MOXD1: variants seen among roughly 807,000 people sequenced by gnomAD.
MOXD1 encodes the protein DBH-like monooxygenase protein 1.
A neutral mutation model predicts 66.6 loss-of-function variants in MOXD1; 62 were observed. The ratio of observed to expected loss-of-function variants is 0.93; its 90% CI spans 0.76 to 1.15. The LOEUF (loss-of-function observed/expected upper bound fraction) is 1.15. Ranked by LOEUF, MOXD1 falls within the 50% of genes most tolerant of loss-of-function variation. The pLI, the probability that MOXD1 is intolerant of heterozygous loss-of-function variation, is 0.00. For synonymous variants in MOXD1, 303 were observed against 281.9 expected, an observed-to-expected ratio of 1.07 and a Z score of -0.75; for missense variants, 847 against 754.6, an observed-to-expected ratio of 1.12 and a Z score of -1.44.
At chr6:132,396,556 G>C (rs1232790699) in intron 1 of MOXD1, among the ~76,000 whole-genome samples, 2 of 88,154 alleles carry the variant, frequency 2.3e-5, no homozygotes, top group African/African-American at 9.5e-5. Flanking sequence ...ACAAAACAGA[G>C]ACAAAAAAAA....
intron 4 of MOXD1, among the ~76,000 whole-genome samples, chr6:132,337,453 A>T (rs559917519): frequency 1.9e-4 from 29 of 152,240 alleles, no homozygotes; most frequent in Non-Finnish European, 3.5e-4. Context: ...AATGCCCTTG[A>T]AGAGTAATAT....
intron 1 of MOXD1, among the ~76,000 whole-genome samples, chr6:132,394,231 A>G (rs893362022): frequency 1.3e-5 from 2 of 152,210 alleles, no homozygotes; most frequent in African/African-American, 2.4e-5. Flanking sequence ...AAAATTACAC[A>G]GAGACTATAC....
chr6:132,302,566 A>G (rs1256933908), intron 10 of MOXD1, among the ~76,000 whole-genome samples: 1 of 152,170 alleles, frequency 6.6e-6, no homozygotes, highest in Non-Finnish European at 1.5e-5. Flanking sequence ...AGAACAGTAA[A>G]TAAGTGAAGA....
intron 7 of MOXD1, among the ~76,000 whole-genome samples, chr6:132,323,663 G>T (rs1171727134): frequency 6.6e-6 from 1 of 152,066 alleles, no homozygotes; most frequent in African/African-American, 2.4e-5. Context: ...TGTAAAAGAT[G>T]ATATACAGCA....
chr6:132,348,300 C>G lies in MOXD1; in HGVS notation c.664-19706G>C, dbSNP rs150275850. On this transcript the variant is annotated intron_variant, in intron 4 of 11. Transcript: ENST00000367963. The stretch of plus-strand genomic sequence containing the variant: ...TAATGTAACATCATTCATATAACAA[C>G]CACCCAGGATTCTGTAATTTTTACT... Among the ~76,000 whole-genome samples, 862 of 152,254 alleles carry G rather than the reference C, an allele frequency of 5.7e-3. 10 individuals are homozygous for G. Among genetic ancestry groups the G allele is most frequent in the African/African-American group, 0.019 (807 of 41,546 alleles).
chr6:132,394,631 G>GA (rs34406725), intron 1 of MOXD1, among the ~76,000 whole-genome samples: 98,005 of 151,908 alleles, frequency 0.65, 34,271 homozygotes, highest in African/African-American at 0.91. Context: ...TAAAAAAAGA[G>GA]ACCAAACAGA....
intron 10 of MOXD1, among the ~76,000 whole-genome samples, chr6:132,306,080 A>G (rs1253346210): frequency 6.6e-6 from 1 of 152,144 alleles, no homozygotes; most frequent in African/African-American, 2.4e-5. Context: ...CTAAAGAAGC[A>G]TGTTCTAACC....
intron 9 of MOXD1, among the ~76,000 whole-genome samples, chr6:132,319,148 T>C (rs987079975): frequency 1.3e-5 from 2 of 152,020 alleles, no homozygotes; most frequent in Admixed American, 1.3e-4. Flanking sequence ...TGCTCTTCTG[T>C]GTAAATTTTA....
intron 4 of MOXD1, among the ~76,000 whole-genome samples, chr6:132,329,886 T>C (rs1022238662): frequency 1.3e-5 from 2 of 152,204 alleles, no homozygotes; most frequent in Admixed American, 6.5e-5. Flanking sequence ...TATGTGCGCT[T>C]GTGACACTGC....
At chr6:132,302,623 C>T (rs1774567104) in intron 10 of MOXD1, among the ~76,000 whole-genome samples, 1 of 152,082 alleles carries the variant, frequency 6.6e-6, no homozygotes, top group African/African-American at 2.4e-5. Context: ...GTTAAGGTAT[C>T]AATTCTCTCA....
intron 9 of MOXD1, among the ~76,000 whole-genome samples, 200 bp from the exon 10 acceptor site, chr6:132,315,977 G>A (rs570500847): frequency 1.3e-5 from 2 of 152,164 alleles, no homozygotes; most frequent in Non-Finnish European, 2.9e-5. Flanking sequence ...TTAAAAATTT[G>A]CCTTTCTTAA....
chr6:132,297,812 G>T lies in MOXD1; in HGVS notation c.1652C>A (p.Ser551Tyr), dbSNP rs1774442815. ...VLSLPVNVRC[S>Y]KTDNAEWSIQ... ...CGACCACTCAGCATTGTCTGTCTTG[G>T]AACATCTCACATTCACTGGCAGGCT... The change falls in exon 11 of 12, where the codon TCC (serine) becomes TAC (tyrosine). Residue 551 changes from serine (S) to tyrosine (Y), a missense_variant. Ser to Tyr is a moderately radical substitution (Grantham distance 144). Transcript: ENST00000367963. The T allele has an allele frequency of 4.3e-6, 7 of 1,611,824 alleles. No individual in the cohort carries two copies. The highest frequency in any genetic ancestry group is 5.9e-6 in the Non-Finnish European group (7 of 1,179,086).
chr6:132,379,538 T>G (rs1165739552), intron 1 of MOXD1, among the ~76,000 whole-genome samples: 1 of 152,224 alleles, frequency 6.6e-6, no homozygotes, highest in Non-Finnish European at 1.5e-5. Context: ...TCCCTGACTC[T>G]ATTTTCACCT....
chr6:132,299,296 C>T (rs1280199475), intron 10 of MOXD1, among the ~76,000 whole-genome samples: 3 of 151,850 alleles, frequency 2.0e-5, no homozygotes, highest in Non-Finnish European at 4.4e-5. Flanking sequence ...GAGAGGGAGA[C>T]AAGAATGAAA....
At chr6:132,354,396 A>C (rs551827570) in intron 4 of MOXD1, among the ~76,000 whole-genome samples, 13 of 152,248 alleles carry the variant, frequency 8.5e-5, no homozygotes, top group African/African-American at 3.1e-4. Context: ...GCTTCCTGTG[A>C]GATAAGCTGC....
rs527334771 is a variant in MOXD1 at position 132,398,125 on chromosome 6, A to G, written c.264+3038T>C. 3.9e-5 allele frequency among the ~76,000 whole-genome samples: 6 copies of G among 152,192 alleles called. No homozygotes were observed. In the East Asian group the frequency reaches 1.2e-3, roughly 29 times the overall value. ...CTTGTGTACACATTATTTATCTCCC[A>G]CTTATAAGTGAGAACATGCAGTATT... On this transcript the variant is annotated intron_variant, in intron 1 of 11. Coordinates refer to ENST00000367963, the MANE Select transcript of MOXD1 (RefSeq NM_015529.4).
At chr6:132,339,867 CTTT>C (rs373137834) in intron 4 of MOXD1, among the ~76,000 whole-genome samples, 15 of 132,320 alleles carry the variant, frequency 1.1e-4, no homozygotes, top group Admixed American at 5.3e-4. Context: ...AGCTACAGCT[CTTT>C]TTTTTTTTTT....
At chr6:132,342,903 T>G (rs1289132429) in intron 4 of MOXD1, among the ~76,000 whole-genome samples, 1 of 152,202 alleles carries the variant, frequency 6.6e-6, no homozygotes, top group Non-Finnish European at 1.5e-5. Flanking sequence ...GCCAGTCCTA[T>G]GCAGGATAGA....
intron 1 of MOXD1, among the ~76,000 whole-genome samples, chr6:132,377,799 T>C (rs1028886010): frequency 3.3e-5 from 5 of 152,192 alleles, no homozygotes; most frequent in African/African-American, 1.2e-4. Flanking sequence ...AATTTAAATA[T>C]GAACTAACCT....
Sources: allele counts gnomAD v4.1 joint callset (sites outside exome capture counted in the v4.1 genomes callset), GRCh38; gene constraint gnomAD v4.1.1; transcripts MANE v1.5; gene names NCBI Gene and HGNC (gene_info 2026-07-23, HGNC 2026-07-21).